GALNTL6: variants seen among roughly 807,000 people sequenced by gnomAD.
The protein encoded by GALNTL6 is polypeptide N-acetylgalactosaminyltransferase-like 6.
A neutral mutation model predicts 73.7 loss-of-function variants in GALNTL6; 46 were observed. That is an observed-to-expected ratio of 0.62 (90% CI 0.49 to 0.80). The LOEUF (loss-of-function observed/expected upper bound fraction) is 0.80, where lower values mean the gene tolerates loss of function less well. Among genes scored for constraint, GALNTL6 ranks in the 30% least tolerant of loss-of-function variants. The probability of loss-of-function intolerance (pLI) is 0.00; values close to 1 mark genes in which losing one functional copy is unlikely to be tolerated. For synonymous variants in GALNTL6, 259 were observed against 263.7 expected (o/e 0.98, Z 0.17); for missense variants, 604 against 755.0 (o/e 0.80, Z 2.34).
At chr4:172,422,014 C>A (rs186553865) in intron 5 of GALNTL6, among the ~76,000 whole-genome samples, 14 of 152,194 alleles carry the variant, frequency 9.2e-5, no homozygotes, top group Admixed American at 9.2e-4. Context: ...GTCTACTTGT[C>A]AATTTCTAAT....
intron 3 of GALNTL6, among the ~76,000 whole-genome samples, chr4:172,303,440 C>T (rs1740011739): frequency 6.6e-6 from 1 of 152,202 alleles, no homozygotes; most frequent in South Asian, 2.1e-4. Flanking sequence ...GAAAACCACA[C>T]TCTTGCCATA....
chr4:172,746,051 A>G (rs1737092316), intron 5 of GALNTL6, among the ~76,000 whole-genome samples: 2 of 65,056 alleles, frequency 3.1e-5, no homozygotes, highest in Middle Eastern at 0.012. Flanking sequence ...AATCAAGATA[A>G]TAAAATTATA....
At chr4:172,938,454 A>G (rs1157529322) in intron 9 of GALNTL6, among the ~76,000 whole-genome samples, 2 of 152,240 alleles carry the variant, frequency 1.3e-5, no homozygotes, top group African/African-American at 4.8e-5. Context: ...GCCCTTGTTT[A>G]TGTCAGAAAA....
chr4:172,133,040 G>C (rs188246998), intron 2 of GALNTL6, among the ~76,000 whole-genome samples: 123 of 152,280 alleles, frequency 8.1e-4, no homozygotes, highest in African/African-American at 2.9e-3. Context: ...AATTACAAAT[G>C]AATGACTTAA....
chr4:172,384,958 A>G (rs573148117), intron 5 of GALNTL6, among the ~76,000 whole-genome samples: 1 of 102,874 alleles, frequency 9.7e-6, no homozygotes, highest in African/African-American at 3.8e-5. Flanking sequence ...CAATTATGTT[A>G]TGTTGTAATT....
At chr4:172,598,980 A>G (rs1003099762) in intron 5 of GALNTL6, among the ~76,000 whole-genome samples, 3 of 152,180 alleles carry the variant, frequency 2.0e-5, no homozygotes, top group African/African-American at 7.2e-5. Context: ...TATGGAGGAA[A>G]CGAGTCTTTC....
intron 10 of GALNTL6, among the ~76,000 whole-genome samples, chr4:172,982,529 A>G (rs1045601710): frequency 1.3e-5 from 2 of 152,244 alleles, no homozygotes; most frequent in East Asian, 1.9e-4. Flanking sequence ...CTCATGACTG[A>G]AAGTCAGAAG....
intron 2 of GALNTL6, 100 bp from the exon 3 acceptor site, chr4:172,229,556 C>T: frequency 1.5e-6 from 1 of 656,290 alleles, no homozygotes. Context: ...ACTTATTTAA[C>T]AGATATTCTT....
chr4:173,037,842 A>C (rs1464387551), intron 12 of GALNTL6, among the ~76,000 whole-genome samples: 1 of 151,896 alleles, frequency 6.6e-6, no homozygotes, highest in Non-Finnish European at 1.5e-5. Context: ...TCCTGGGTTC[A>C]AGCGATTCTC....
At chr4:172,846,919 A>C (rs918262807) in intron 7 of GALNTL6, among the ~76,000 whole-genome samples, 1 of 151,818 alleles carries the variant, frequency 6.6e-6, no homozygotes, top group South Asian at 2.1e-4. Context: ...AATATATCAA[A>C]TTTTTTCTTT....
At chr4:173,037,448 G>A (rs1288615715) in intron 12 of GALNTL6, among the ~76,000 whole-genome samples, 1 of 152,172 alleles carries the variant, frequency 6.6e-6, no homozygotes, top group Non-Finnish European at 1.5e-5. Context: ...ATGGTTCAGG[G>A]TAGTGGTATA....
chr4:172,007,468 A>G (rs918115832), intron 2 of GALNTL6, among the ~76,000 whole-genome samples: 1 of 152,090 alleles, frequency 6.6e-6, no homozygotes, highest in Non-Finnish European at 1.5e-5. Flanking sequence ...AGAATACAGA[A>G]TATTTTCATT....
chr4:171,927,580 G>A (rs1738027870), intron 2 of GALNTL6, among the ~76,000 whole-genome samples: 1 of 151,942 alleles, frequency 6.6e-6, no homozygotes, highest in Non-Finnish European at 1.5e-5. Context: ...TCATTAGGCT[G>A]TGCAGGATTC....
intron 5 of GALNTL6, among the ~76,000 whole-genome samples, chr4:172,703,351 G>T (rs1333364476): frequency 1.3e-5 from 2 of 151,904 alleles, no homozygotes; most frequent in East Asian, 3.9e-4. Flanking sequence ...CACCTTTATT[G>T]TTTTGAGGTA....
intron 10 of GALNTL6, among the ~76,000 whole-genome samples, chr4:172,957,433 G>A (rs773184816): frequency 5.9e-5 from 9 of 152,122 alleles, no homozygotes; most frequent in Non-Finnish European, 1.3e-4. Context: ...GTTTCAGCAG[G>A]GCAGCGGGGC....
intron 5 of GALNTL6, among the ~76,000 whole-genome samples, chr4:172,407,868 G>A (rs1291215739): frequency 6.6e-6 from 1 of 152,030 alleles, no homozygotes; most frequent in Admixed American, 6.6e-5. Flanking sequence ...TAAGCAGCGG[G>A]TAGCCTAAGA....
chr4:171,840,763 T>C (rs1012850054), intron 2 of GALNTL6, among the ~76,000 whole-genome samples: 1 of 152,188 alleles, frequency 6.6e-6, no homozygotes, highest in African/African-American at 2.4e-5. Context: ...CATCCTTCTC[T>C]TGTTTCTTAT....
At chr4:171,901,651 C>G (rs573532623) in intron 2 of GALNTL6, among the ~76,000 whole-genome samples, 1 of 152,238 alleles carries the variant, frequency 6.6e-6, no homozygotes, top group Non-Finnish European at 1.5e-5. Context: ...TTTCAGATCC[C>G]TGGAGCTGCA....
intron 2 of GALNTL6, among the ~76,000 whole-genome samples, chr4:172,222,079 CA>C (rs1434204916): frequency 6.6e-6 from 1 of 151,784 alleles, no homozygotes; most frequent in Non-Finnish European, 1.5e-5. Context: ...GGGATCAACA[CA>C]AAATGTTTTT....
Sources: gnomAD v4.1 joint callset for allele counts (sites outside exome capture counted in the v4.1 genomes callset) on GRCh38, gnomAD v4.1.1 for gene constraint, MANE v1.5 for transcripts, NCBI Gene and HGNC (gene_info 2026-07-23, HGNC 2026-07-21) for gene names.